The following ASIC2 variants were observed in gnomAD, a reference collection of about 807,000 sequenced individuals.
ASIC2 encodes acid sensing ion channel subunit 2.
Under a neutral mutation model 57.3 loss-of-function variants are expected in ASIC2, and 25 were observed. That is an observed-to-expected ratio of 0.44 (90% CI 0.32 to 0.61). The LOEUF (loss-of-function observed/expected upper bound fraction) is 0.61. ASIC2 is among the 20% of genes least tolerant of loss of function. ASIC2 has a pLI of 0.06. For missense variants in ASIC2, 641 were observed against 738.1 expected (o/e 0.87, Z 1.52); for synonymous variants, 319 against 307.5 (o/e 1.04, Z -0.39).
intron 1 of ASIC2, among the ~76,000 whole-genome samples, chr17:33,874,969 T>A (rs542054640): frequency 6.6e-6 from 1 of 152,180 alleles, no homozygotes; most frequent in Non-Finnish European, 1.5e-5. Context: ...TCTTGTCCCA[T>A]GACAAGCTCC....
intron 1 of ASIC2, among the ~76,000 whole-genome samples, chr17:33,235,177 A>G (rs369598444): frequency 7.9e-5 from 12 of 152,348 alleles, no homozygotes; most frequent in African/African-American, 2.6e-4. Context: ...ACAGTGGCTC[A>G]TACATCTTCA....
intron 1 of ASIC2, among the ~76,000 whole-genome samples, chr17:33,849,990 A>AT (rs1567733945): frequency 2.0e-5 from 3 of 150,760 alleles, no homozygotes; most frequent in African/African-American, 4.8e-5. Context: ...TATACAAAGT[A>AT]TTTTTTGAAT....
chr17:33,746,615 C>T (rs1227404728), intron 1 of ASIC2, among the ~76,000 whole-genome samples: 2 of 151,630 alleles, frequency 1.3e-5, no homozygotes, highest in Non-Finnish European at 2.9e-5. Context: ...AAATAGACAG[C>T]TGAACAATAA....
chr17:33,916,120 C>A (rs1915578627), intron 1 of ASIC2, among the ~76,000 whole-genome samples: 1 of 152,294 alleles, frequency 6.6e-6, no homozygotes, highest in East Asian at 1.9e-4. Context: ...AATTCTCCTC[C>A]CAGATAACCA....
At chr17:33,206,138 C>G (rs546359606) in intron 1 of ASIC2, among the ~76,000 whole-genome samples, 28 of 152,270 alleles carry the variant, frequency 1.8e-4, no homozygotes, top group African/African-American at 6.7e-4. Context: ...AGGAGAAGAG[C>G]TAAATTTTAA....
At chr17:33,850,290 A>C (rs1483184646) in intron 1 of ASIC2, among the ~76,000 whole-genome samples, 1 of 152,236 alleles carries the variant, frequency 6.6e-6, no homozygotes, top group Admixed American at 6.5e-5. Context: ...TCTGTGCAAC[A>C]GTCAAAAATA....
chr17:33,800,810 C>T (rs1445788871), intron 1 of ASIC2, among the ~76,000 whole-genome samples: 2 of 152,128 alleles, frequency 1.3e-5, no homozygotes, highest in Non-Finnish European at 2.9e-5. Flanking sequence ...ATTTTTTATC[C>T]TGCTATCAAC....
At chr17:33,424,263 C>T (rs918291599) in intron 1 of ASIC2, among the ~76,000 whole-genome samples, 2 of 152,198 alleles carry the variant, frequency 1.3e-5, no homozygotes, top group Admixed American at 6.5e-5. Context: ...AAATAGCCTC[C>T]AGCACACTAT....
chr17:34,120,487 A>G (rs1489893021), intron 1 of ASIC2, among the ~76,000 whole-genome samples: 2 of 151,984 alleles, frequency 1.3e-5, no homozygotes, highest in African/African-American at 2.4e-5. Flanking sequence ...ATGTTGGGAT[A>G]GGGTGAATGT....
At chr17:33,063,396 T>G (rs1055695432) in intron 3 of ASIC2, among the ~76,000 whole-genome samples, 3 of 152,188 alleles carry the variant, frequency 2.0e-5, no homozygotes, top group African/African-American at 7.2e-5. Context: ...GTCTGTAAAG[T>G]ATTTTATTTC....
chr17:33,304,672 C>A (rs114344029), intron 1 of ASIC2, among the ~76,000 whole-genome samples: 6,471 of 152,194 alleles, frequency 0.043, 443 homozygotes, highest in African/African-American at 0.14. Context: ...CCAGGATCCC[C>A]GCCTTAGTCT....
intron 1 of ASIC2, among the ~76,000 whole-genome samples, chr17:34,093,476 G>T (rs1910407843): frequency 6.6e-6 from 1 of 152,212 alleles, no homozygotes; most frequent in African/African-American, 2.4e-5. Flanking sequence ...TGCCTCGGTT[G>T]TGCCAACTCC....
intron 1 of ASIC2, among the ~76,000 whole-genome samples, chr17:33,463,590 A>G (rs1912713409): frequency 2.0e-5 from 3 of 152,154 alleles, no homozygotes; most frequent in African/African-American, 7.2e-5. Context: ...GGGATTCCCT[A>G]CTCCATGCAA....
chr17:33,980,942 A>ATTTTTTTTTTTTTTTTTTTTTATTTTT (rs34633102), intron 1 of ASIC2: 1 of 130,556 alleles, frequency 7.7e-6, no homozygotes, highest in Admixed American at 7.9e-5. Flanking sequence ...CTCAAGTGTA[A>ATTTTTTTTTTTTTTTTTTTTTATTTTT]TTTTTTTTTT....
intron 5 of ASIC2, among the ~76,000 whole-genome samples, chr17:33,024,874 G>A (rs2091852506): frequency 6.6e-6 from 1 of 152,144 alleles, no homozygotes; most frequent in African/African-American, 2.4e-5. Context: ...ATTCTCAGTT[G>A]AGTCCCATCT....
At chr17:33,666,006 G>T (rs1038640946) in intron 1 of ASIC2, among the ~76,000 whole-genome samples, 3 of 152,164 alleles carry the variant, frequency 2.0e-5, no homozygotes, top group African/African-American at 7.2e-5. Flanking sequence ...TACATACAGT[G>T]TGAGCTCCTG....
At chr17:33,907,752 A>G (rs1049406415) in intron 1 of ASIC2, among the ~76,000 whole-genome samples, 19 of 152,136 alleles carry the variant, frequency 1.2e-4, no homozygotes, top group Admixed American at 9.8e-4. Flanking sequence ...CTTCATTGTA[A>G]CCCTGAATGC....
intron 1 of ASIC2, among the ~76,000 whole-genome samples, chr17:33,761,037 C>T (rs2142112297): frequency 6.6e-6 from 1 of 152,290 alleles, no homozygotes; most frequent in South Asian, 2.1e-4. Context: ...CCAGTCTAGA[C>T]ACACCTGGAT....
intron 1 of ASIC2, among the ~76,000 whole-genome samples, chr17:33,993,486 A>G (rs1333120284): frequency 3.9e-5 from 6 of 152,148 alleles, no homozygotes; most frequent in Admixed American, 3.9e-4. Flanking sequence ...ACCAGCACAA[A>G]TACTGCCTCT....
Sources: allele counts gnomAD v4.1 joint callset (sites outside exome capture counted in the v4.1 genomes callset), GRCh38; gene constraint gnomAD v4.1.1; transcripts MANE v1.5; gene names NCBI Gene and HGNC (gene_info 2026-07-23, HGNC 2026-07-21).